TOR2A: variants seen among roughly 807,000 people sequenced by gnomAD.
TOR2A encodes torsin family 2 member A.
Under a neutral mutation model 28.6 loss-of-function variants are expected in TOR2A, and 24 were observed. The ratio of observed to expected loss-of-function variants is 0.84; its 90% CI spans 0.61 to 1.18. The LOEUF (loss-of-function observed/expected upper bound fraction) is 1.18, where lower values mean the gene tolerates loss of function less well. TOR2A is among the 50% of genes most tolerant of loss of function. The pLI, the probability that TOR2A is intolerant of heterozygous loss-of-function variation, is 0.00. For synonymous variants in TOR2A, 203 were observed against 203.1 expected (o/e 1.00, Z 0.00); for missense variants, 426 against 448.1 (o/e 0.95, Z 0.45).
intron 1 of TOR2A, 150 bp from the exon 2 acceptor site, chr9:127,734,714 C>A (rs981270507): frequency 4.2e-6 from 4 of 954,550 alleles, no homozygotes; most frequent in East Asian, 3.3e-5. Flanking sequence ...GGGTCTGTGG[C>A]GGAAAAGAGC....
At chr9:127,734,880 G>T in intron 1 of TOR2A, 1 of 593,002 alleles carries the variant, frequency 1.7e-6, no homozygotes, top group Non-Finnish European at 2.6e-6. Context: ...GCCATTCCGG[G>T]GAGGCCCAAG....
Position 127,731,537 on chromosome 9 carries a change from C to A in TOR2A, c.*497G>T. 2 of 1,452,384 alleles carry A rather than the reference C, an allele frequency of 1.4e-6. No individual in the cohort carries two copies. Among genetic ancestry groups the A allele is most frequent in the South Asian group, 2.9e-5 (2 of 68,348 alleles). 90.0% of individuals were successfully genotyped at this position (1,452,384 alleles called of 1,614,324 possible). A position where few individuals can be genotyped will look rare whatever the true frequency, so the allele number is the denominator to read the frequency against. On this transcript the variant is annotated 3_prime_UTR_variant, in exon 5 of 5. Coordinates refer to ENST00000373284, the MANE Select transcript of TOR2A (RefSeq NM_001085347.3). ...TAGCAACAGTCCTCTGGTCCCACAGCTGAGTTTATTATACTTGTTTTCTTT... is the reference window on the plus strand; with the variant it reads ...TAGCAACAGTCCTCTGGTCCCACAGATGAGTTTATTATACTTGTTTTCTTT...
At position 127,732,230 on chromosome 9, in the gene TOR2A, A is replaced by C. The variant is rs1319169658; in HGVS notation, c.770T>G (p.Val257Gly). ...CCGCTGGAGCGGGAGGAAGGGCACC[A>C]CTGCGTCTAGGAGGCGCTCTTCCAT... is the stretch of plus-strand genomic sequence containing the variant. ...GIMEERLLDA[V>G]VPFLPLQRHH... Residue 257 changes from valine to glycine, a missense_variant, in exon 5 of 5, where the codon GTG (valine) becomes GGG (glycine). By Grantham distance (109) the Val-to-Gly change is moderately radical. Transcript: ENST00000373284. 6.2e-7 allele frequency: 1 copy of C among 1,607,954 alleles called. No individual in the cohort carries two copies. The highest frequency in any genetic ancestry group is 1.1e-5 in the South Asian group (1 of 90,866).
chr9:127,732,945 C>T, intron 3 of TOR2A: 3 of 1,404,666 alleles, frequency 2.1e-6, no homozygotes, highest in Middle Eastern at 5.2e-4. Context: ...CCTCACTGAA[C>T]TTCCAGGAAG....
intron 4 of TOR2A, 115 bp from the exon 5 acceptor site, chr9:127,732,393 C>G: frequency 1.4e-6 from 2 of 1,460,288 alleles, no homozygotes; most frequent in South Asian, 2.9e-5. Flanking sequence ...CAGCCGCCTT[C>G]TGGGTGTAGG....
At chr9:127,734,733 G>A (rs939892346) in intron 1 of TOR2A, 169 bp from the exon 2 acceptor site, 1 of 810,368 alleles carries the variant, frequency 1.2e-6, no homozygotes, top group Non-Finnish European at 1.7e-6. Context: ...GCCACCTTCG[G>A]GCCTGATTCA....
intron 2 of TOR2A, 25 bp from the exon 3 acceptor site, chr9:127,733,585 A>G (rs1276913827): frequency 5.1e-6 from 8 of 1,578,686 alleles, no homozygotes. Context: ...CAGGAGTTCC[A>G]GGGGAGCTGG....
At chr9:127,734,875 T>G in intron 1 of TOR2A, 3 of 586,468 alleles carry the variant, frequency 5.1e-6, no homozygotes, top group Non-Finnish European at 8.0e-6. Flanking sequence ...GCCAGGCCAT[T>G]CCGGGGAGGC....
chr9:127,733,815 T>C, intron 2 of TOR2A: 2 of 522,516 alleles, frequency 3.8e-6, no homozygotes, highest in Non-Finnish European at 6.8e-6. Context: ...CCACGACACT[T>C]GCTGCTTTCT....
At chr9:127,734,131 G>T in intron 2 of TOR2A, 168 bp downstream of exon 2, 1 of 867,052 alleles carries the variant, frequency 1.2e-6, no homozygotes, top group Non-Finnish European at 1.7e-6. Context: ...AGTACTCCCT[G>T]CCAGGTAGAA....
In TOR2A at chr9:127,731,858, G is replaced by A. The variant is rs555014915; in HGVS notation, c.*176C>T. On this transcript the variant is annotated 3_prime_UTR_variant, in exon 5 of 5. Coordinates refer to ENST00000373284, the MANE Select transcript of TOR2A (RefSeq NM_001085347.3). ...AGGGGTTTCCCTGGGGAAGGTGGCC[G>A]GGGCCAAGATGCTCTCGAGCCAGTT... 1.7e-4 allele frequency: 224 copies of A among 1,345,776 alleles called. 1 individual carries two copies. In the African/African-American group the frequency reaches 2.2e-3, roughly 13 times the overall value. 83.4% of individuals were successfully genotyped at this position (1,345,776 alleles called of 1,614,324 possible). A position where few individuals can be genotyped will look rare whatever the true frequency, so the allele number is the denominator to read the frequency against.
At chr9:127,735,095 C>T (rs943730414) in intron 1 of TOR2A, 25 bp downstream of exon 1, 2 of 1,431,348 alleles carry the variant, frequency 1.4e-6, no homozygotes, top group Non-Finnish European at 9.1e-7. Context: ...GCCCGCCCCT[C>T]GCTCCGGGCT....
intron 1 of TOR2A, chr9:127,734,889 A>C (rs1310991439): frequency 3.2e-6 from 2 of 630,636 alleles, no homozygotes. Context: ...GGGAGGCCCA[A>C]GAACTTCCAC....
intron 1 of TOR2A, 103 bp from the exon 2 acceptor site, chr9:127,734,667 T>C: frequency 7.7e-7 from 1 of 1,299,050 alleles, no homozygotes; most frequent in Non-Finnish European, 9.9e-7. Flanking sequence ...TCCTTACGTT[T>C]GTCCAAGCTG....
chr9:127,733,713 C>T, intron 2 of TOR2A, 153 bp from the exon 3 acceptor site: 1 of 729,240 alleles, frequency 1.4e-6, no homozygotes, highest in Non-Finnish European at 2.2e-6. Flanking sequence ...AAACTGTATC[C>T]CAGATTGGGG....
chr9:127,732,034 T>A lies in TOR2A; in HGVS notation c.966A>T (p.Ter322CysextTer10), dbSNP rs1844452388. ...GGGGCCGAGGACACCACTCAGAGAG[T>A]CAGAGGAAGAAGGCGATTCGGGAGG... ...TVASRIAFFL[*>C] Residue 322 changes from the stop codon to cysteine (C), a stop_lost, in exon 5 of 5, where the codon TGA becomes TGT. Transcript: ENST00000373284. The A allele has an allele frequency of 6.2e-7, 1 of 1,611,952 alleles. No homozygotes were observed.
chr9:127,731,545 A>T lies in TOR2A; in HGVS notation c.*489T>A. The T allele has an allele frequency of 7.0e-7, 1 of 1,434,578 alleles. No individual in the cohort carries two copies. Among genetic ancestry groups the T allele is most frequent in the East Asian group, 2.5e-5 (1 of 40,384 alleles). 88.9% of individuals were successfully genotyped at this position (1,434,578 alleles called of 1,614,324 possible). On this transcript the variant is annotated 3_prime_UTR_variant, in exon 5 of 5. Transcript: ENST00000373284. Reference sequence around the variant, plus strand: ...GTCCTCTGGTCCCACAGCTGAGTTTATTATACTTGTTTTCTTTTACAAAAT... The same window carrying T: ...GTCCTCTGGTCCCACAGCTGAGTTTTTTATACTTGTTTTCTTTTACAAAAT...
rs979357403 is a variant in TOR2A, at chr9:127,735,281, C to T, written c.-11G>A. The stretch of plus-strand genomic sequence containing the variant: ...CGTCGCAGCCGCCATCCGGGTGAGG[C>T]CCGAGCTCGTTGTGGGGCAGTCAAC... On this transcript the variant is annotated 5_prime_UTR_variant, in exon 1 of 5. Transcript: ENST00000373284. 7.3e-7 allele frequency: 1 copy of T among 1,378,424 alleles called. No homozygotes were observed. Among genetic ancestry groups the T allele is most frequent in the Admixed American group, 3.8e-5 (1 of 26,258 alleles). 85.4% of individuals were successfully genotyped at this position (1,378,424 alleles called of 1,614,324 possible).
chr9:127,732,129 C>T lies in TOR2A; in HGVS notation c.871G>A (p.Val291Met). ...GGGAAGAAGGTGGTGCTGTCCAGCA[C>T]AGCCTGGACAACCTCATCCCTTGGC... is the stretch of plus-strand genomic sequence containing the variant. ...LEPRDEVVQA[V>M]LDSTTFFPED... Residue 291 changes from valine (V) to methionine (M), a missense_variant, in exon 5 of 5, where the codon GTG (valine) becomes ATG (methionine). By Grantham distance (21) the Val-to-Met change is conservative. Transcript: ENST00000373284. 1.9e-6 allele frequency: 3 copies of T among 1,613,710 alleles called. No individual in the cohort carries two copies. Among genetic ancestry groups the T allele is most frequent in the East Asian group, 2.2e-5 (1 of 44,888 alleles).
Sources: gnomAD v4.1 joint callset for allele counts on GRCh38, gnomAD v4.1.1 for gene constraint, MANE v1.5 for transcripts, NCBI Gene and HGNC (gene_info 2026-07-23, HGNC 2026-07-21) for gene names.